Variants in TXNRD2 observed in about 807,000 individuals in gnomAD.
The protein encoded by TXNRD2 is thioredoxin reductase 2.
Under a neutral mutation model 70.8 loss-of-function variants are expected in TXNRD2, and 67 were observed. That is an observed-to-expected ratio of 0.95 (90% CI 0.78 to 1.16). TXNRD2 has a LOEUF of 1.16. TXNRD2 is among the 50% of genes most tolerant of loss of function. TXNRD2 has a pLI of 0.00. For synonymous variants in TXNRD2, 301 were observed against 295.8 expected, an observed-to-expected ratio of 1.02 and a Z score of -0.18; for missense variants, 644 against 719.9, an observed-to-expected ratio of 0.89 and a Z score of 1.21.
At chr22:19,910,448 G>A (rs1222012172) in intron 8 of TXNRD2, among the ~76,000 whole-genome samples, 1 of 152,162 alleles carries the variant, frequency 6.6e-6, no homozygotes, top group African/African-American at 2.4e-5. Context: ...TCCTTGAGGG[G>A]ACCCACTGGA....
chr22:19,905,774 C>T (rs898852618), intron 8 of TXNRD2, among the ~76,000 whole-genome samples: 4 of 152,018 alleles, frequency 2.6e-5, no homozygotes, highest in Non-Finnish European at 5.9e-5. Flanking sequence ...GAACTCAGGA[C>T]GCCGAGTGAG....
intron 11 of TXNRD2, chr22:19,894,983 A>AG (rs1555909384): frequency 8.8e-6 from 13 of 1,470,572 alleles, no homozygotes; most frequent in East Asian, 2.5e-5. Flanking sequence ...AAAAAAAAAA[A>AG]AAAGAAAAGA....
At chr22:19,929,053 C>T (rs1235077070) in intron 2 of TXNRD2, among the ~76,000 whole-genome samples, 1 of 150,038 alleles carries the variant, frequency 6.7e-6, no homozygotes, top group Non-Finnish European at 1.5e-5. Flanking sequence ...ATAGGCCGGG[C>T]GCGGTGGCTC....
intron 4 of TXNRD2, among the ~76,000 whole-genome samples, chr22:19,918,439 C>T (rs906432796): frequency 2.0e-5 from 3 of 152,246 alleles, no homozygotes; most frequent in South Asian, 2.1e-4. Flanking sequence ...CTCTGACCCA[C>T]GGCTCTCCAG....
intron 8 of TXNRD2, among the ~76,000 whole-genome samples, chr22:19,907,748 C>T (rs796411452): frequency 2.6e-3 from 83 of 32,272 alleles, no homozygotes; most frequent in East Asian, 3.8e-3. Flanking sequence ...TAGCAGCGAC[C>T]GCTCTCAGGA....
At chr22:19,901,183 C>T (rs541064047) in intron 8 of TXNRD2, among the ~76,000 whole-genome samples, 17 of 152,346 alleles carry the variant, frequency 1.1e-4, no homozygotes, top group African/African-American at 3.1e-4. Flanking sequence ...ACGATGCTGA[C>T]CCACCAGGCC....
rs890339708 is a variant in TXNRD2, at chr22:19,877,105, T to G, written c.1575A>C (p.Ter525TyrextTer?). 6 of 1,597,842 alleles carry G rather than the reference T, an allele frequency of 3.8e-6. No homozygotes were observed. Among genetic ancestry groups the G allele is most frequent in the Non-Finnish European group, 5.1e-6 (6 of 1,167,804 alleles). ...GTGCCCTGGCCTGCAGGGATGGCGC[T>G]TACCCTCAGCAGCCTGTCACCGTGG... The part of the protein sequence containing the change: ...LDPTVTGCUG[*>Y] Residue 525 changes from the stop codon to tyrosine (Y), a stop_lost, in exon 17 of 18, where the codon TAA becomes TAC. Transcript: ENST00000400521.
At chr22:19,904,618 C>T (rs576636076) in intron 8 of TXNRD2, among the ~76,000 whole-genome samples, 2 of 152,236 alleles carry the variant, frequency 1.3e-5, no homozygotes, top group African/African-American at 4.8e-5. Context: ...CACAGACGTG[C>T]GCTGAAAGGA....
At chr22:19,894,365 C>T (rs117638280) in intron 11 of TXNRD2, 2,481 of 152,436 alleles carry the variant, frequency 0.016, 34 homozygotes, top group Admixed American at 0.03. Flanking sequence ...CTTAACACCA[C>T]TGAACTATAT....
At chr22:19,938,108 G>C (rs904911314) in intron 1 of TXNRD2, 1 of 152,138 alleles carries the variant, frequency 6.6e-6, no homozygotes, top group African/African-American at 2.4e-5. Flanking sequence ...CTAATTCTTT[G>C]CCTTTAATTG....
At chr22:19,927,651 C>CAAAAAAAAAAAAAAAAAAAAAA (rs149665821) in intron 2 of TXNRD2, among the ~76,000 whole-genome samples, 5 of 68,378 alleles carry the variant, frequency 7.3e-5, no homozygotes, top group Non-Finnish European at 1.1e-4. Context: ...GACCTTGTCT[C>CAAAAAAAAAAAAAAAAAAAAAA]AAAAAAAAAA....
At chr22:19,911,497 C>G in intron 7 of TXNRD2, 50 bp from the exon 8 acceptor site, 1 of 1,434,276 alleles carries the variant, frequency 7.0e-7, no homozygotes, top group Non-Finnish European at 9.8e-7. Context: ...TTGGCCTGTC[C>G]TAGGGCTTCC....
chr22:19,935,167 G>A lies in TXNRD2; in HGVS notation c.104-4069C>T, dbSNP rs577357294. 1.9e-3 allele frequency among the ~76,000 whole-genome samples: 286 copies of A among 152,204 alleles called. 2 individuals carry two copies. The highest frequency in any genetic ancestry group is 6.7e-3 in the African/African-American group (277 of 41,524). On this transcript the variant is annotated intron_variant, in intron 1 of 17. Transcript: ENST00000400521. Reference sequence around the variant, plus strand: ...TGGACGTGCAAGTAGGAGAGATATCGCTAAATTCTTTTCCTAGCAAGGAAT... The same window carrying A: ...TGGACGTGCAAGTAGGAGAGATATCACTAAATTCTTTTCCTAGCAAGGAAT...
chr22:19,900,245 G>A (rs1255212313), intron 8 of TXNRD2, among the ~76,000 whole-genome samples: 1 of 152,138 alleles, frequency 6.6e-6, no homozygotes, highest in Non-Finnish European at 1.5e-5. Flanking sequence ...GGGACCCCCA[G>A]CCAAGCAGGA....
chr22:19,897,971 C>A, intron 10 of TXNRD2, 68 bp downstream of exon 10: 1 of 1,354,206 alleles, frequency 7.4e-7, no homozygotes, highest in Non-Finnish European at 1.0e-6. Context: ...ACTGCACCTG[C>A]CTGGGAGGGG....
chr22:19,883,245 C>A, intron 12 of TXNRD2, 80 bp downstream of exon 12: 1 of 1,552,346 alleles, frequency 6.4e-7, no homozygotes, highest in Non-Finnish European at 8.8e-7. Flanking sequence ...TCCTACAGGA[C>A]GGCAGCAGCC....
intron 11 of TXNRD2, chr22:19,887,694 A>C (rs552520976): frequency 6.6e-6 from 1 of 152,340 alleles, no homozygotes; most frequent in African/African-American, 2.4e-5. Flanking sequence ...AACCAGGAAG[A>C]CTTACATGAA....
At chr22:19,883,037 A>C (rs1790394281) in intron 12 of TXNRD2, among the ~76,000 whole-genome samples, 1 of 152,226 alleles carries the variant, frequency 6.6e-6, no homozygotes, top group African/African-American at 2.4e-5. Context: ...CTGCGTGCAG[A>C]GCTGACCCAT....
intron 11 of TXNRD2, among the ~76,000 whole-genome samples, chr22:19,890,677 C>T (rs1939226212): frequency 6.6e-6 from 1 of 152,214 alleles, no homozygotes; most frequent in Non-Finnish European, 1.5e-5. Context: ...TCTCACCAGG[C>T]TTAGGATGCT....
Sources: allele counts gnomAD v4.1 joint callset (sites outside exome capture counted in the v4.1 genomes callset), GRCh38; gene constraint gnomAD v4.1.1; transcripts MANE v1.5; gene names NCBI Gene and HGNC (gene_info 2026-07-23, HGNC 2026-07-21).